Variants in FLNB observed in about 807,000 individuals in gnomAD.
The protein encoded by FLNB is filamin B, also known as filamin-B.
In FLNB, 111 loss-of-function variants were observed where a neutral mutation model predicts 250.6. The ratio of observed to expected loss-of-function variants is 0.44; its 90% confidence interval spans 0.38 to 0.52. FLNB has a LOEUF of 0.52. Ranked by LOEUF, FLNB falls within the 20% of genes least tolerant of loss-of-function variation. The probability of loss-of-function intolerance (pLI) is 0.00; values close to 1 mark genes in which losing one functional copy is unlikely to be tolerated. For missense variants in FLNB, 2,869 were observed against 3,447.8 expected (o/e 0.83, Z 4.20); for synonymous variants, 1,302 against 1,372.1 (o/e 0.95, Z 1.13).
intron 28 of FLNB, among the ~76,000 whole-genome samples, chr3:58,137,626 T>C (rs558533192): frequency 1.3e-5 from 2 of 152,216 alleles, no homozygotes; most frequent in Non-Finnish European, 2.9e-5. Flanking sequence ...TTTCCTGATA[T>C]GTGGATCCTG....
rs1375419498 is a variant in FLNB at position 58,142,593 on chromosome 3, T to G, written c.5182-57T>G. ...TCCCAGCAGCTCTAACCCCTGTAGC[T>G]TCACCAGCTCCCGCTGTTGTCTGCT... On this transcript the variant is annotated intron_variant, in intron 30 of 45. Transcript: ENST00000295956. The surrounding 1 kb of genome is among the most constrained non-coding windows in gnomAD (Gnocchi z 4.3). 5 of 1,462,312 alleles carry G rather than the reference T, an allele frequency of 3.4e-6. No homozygotes were observed. The highest frequency in any genetic ancestry group is 1.7e-5 in the Admixed American group (1 of 59,152). The allele number at this position is 1,462,312 out of a possible 1,614,324, so 90.6% of individuals were successfully genotyped here. A position where few individuals can be genotyped will look rare whatever the true frequency, so the allele number is the denominator to read the frequency against.
chr3:58,077,378 A>G (rs1350004420), intron 2 of FLNB, 84 bp downstream of exon 2: 3 of 1,512,966 alleles, frequency 2.0e-6, no homozygotes, highest in Non-Finnish European at 2.7e-6. Context: ...CGGGAATGCT[A>G]TCTTTGCTTT....
At position 58,132,861 on chromosome 3, in the gene FLNB, A is replaced by C; in HGVS notation, c.4444A>C (p.Thr1482Pro). The change falls in exon 26 of 46, where the codon ACC becomes CCC. Residue 1482 changes from threonine to proline, a missense_variant. Thr to Pro is a conservative substitution (Grantham distance 38). Coordinates refer to ENST00000295956, the MANE Select transcript of FLNB (RefSeq NM_001457.4). ...VDNGDGTHTV[T>P]YTPSQEGPYM... is the part of the protein sequence containing the mutation. ...CAATGGAGATGGCACACACACAGTAACCTACACCCCATCTCAGGAGGGACC... is the reference window on the plus strand; with the variant it reads ...CAATGGAGATGGCACACACACAGTACCCTACACCCCATCTCAGGAGGGACC... 1 of 1,614,066 alleles carries C rather than the reference A, an allele frequency of 6.2e-7. No homozygotes were observed. The highest frequency in any genetic ancestry group is 8.5e-7 in the Non-Finnish European group (1 of 1,179,970).
At chr3:58,101,823 C>A (rs2097251686) in intron 8 of FLNB, among the ~76,000 whole-genome samples, 1 of 152,186 alleles carries the variant, frequency 6.6e-6, no homozygotes, top group African/African-American at 2.4e-5. Context: ...TTGAAAAAGT[C>A]CAGTCTATCC....
chr3:58,138,505 TC>T lies in FLNB; in HGVS notation c.5087del (p.Pro1696LeufsTer22). 1 of 1,614,212 alleles carries T rather than the reference TC, an allele frequency of 6.2e-7. No homozygotes were observed. The highest frequency in any genetic ancestry group is 8.5e-7 in the Non-Finnish European group (1 of 1,180,028). ...ATGTGCGCTTCGGTGGTGTTGATAT[TC>T]CTAACAGCCCCTTCACTGTCATGGT... ...IYVRFGGVDIPNSPFTVMATD... is the reference protein window; with the variant it reads ...IYVRFGGVDIXNSPFTVMATD... On this transcript the variant is annotated frameshift_variant, in exon 29 of 46. Coordinates refer to ENST00000295956, the MANE Select transcript of FLNB (RefSeq NM_001457.4). LOFTEE classifies it high-confidence loss of function.
intron 24 of FLNB, among the ~76,000 whole-genome samples, chr3:58,126,971 CT>C (rs2097299047): frequency 1.3e-5 from 2 of 152,154 alleles, no homozygotes; most frequent in Non-Finnish European, 2.9e-5. Context: ...AGAATTTTGA[CT>C]GGAAACAGTT....
chr3:58,076,987 A>G, intron 1 of FLNB, 59 bp from the exon 2 acceptor site: 2 of 1,584,874 alleles, frequency 1.3e-6, no homozygotes, highest in Non-Finnish European at 1.7e-6. Flanking sequence ...TTATATAAGG[A>G]GCATAATTTA....
intron 1 of FLNB, among the ~76,000 whole-genome samples, chr3:58,028,533 A>G (rs7609961): frequency 0.75 from 113,129 of 151,098 alleles, 43,348 homozygotes; most frequent in East Asian, 0.95. Flanking sequence ...GAGGCTGGAG[A>G]ATCACTTGTG....
chr3:58,131,810 T>G, intron 25 of FLNB: 1 of 709,808 alleles, frequency 1.4e-6, no homozygotes, highest in Admixed American at 2.5e-5. Flanking sequence ...TTTGTGTGCA[T>G]GTATGTGTCC....
chr3:58,130,871 C>A lies in FLNB; in HGVS notation c.4353C>A (p.Gly1451=), dbSNP rs770990634. 6.2e-7 allele frequency: 1 copy of A among 1,612,668 alleles called. No individual in the cohort carries two copies. Among genetic ancestry groups the A allele is most frequent in the African/African-American group, 1.3e-5 (1 of 74,892 alleles). ...TCACGGTGGACAGCAGCAAGGCTGGCCTGGCTCCGCTGGAAGTGAGGGTTC... is the reference window on the plus strand; with the variant it reads ...TCACGGTGGACAGCAGCAAGGCTGGACTGGCTCCGCTGGAAGTGAGGGTTC... ...QSFTVDSSKA[G]LAPLEVRVLG... Residue 1451 remains glycine (G), a synonymous_variant, in exon 25 of 46, where the codon GGC becomes GGA. Transcript: ENST00000295956.
chr3:58,060,766 T>C (rs2097176952), intron 1 of FLNB, among the ~76,000 whole-genome samples: 1 of 50,174 alleles, frequency 2.0e-5, no homozygotes. Context: ...CAAGACCTTG[T>C]CTCAAAAAAA....
intron 1 of FLNB, among the ~76,000 whole-genome samples, chr3:58,037,992 T>G (rs920152197): frequency 6.6e-6 from 1 of 152,200 alleles, no homozygotes; most frequent in African/African-American, 2.4e-5. Flanking sequence ...TTTTGAAGAC[T>G]TTGAGCCTGA....
intron 1 of FLNB, among the ~76,000 whole-genome samples, chr3:58,068,973 C>T (rs1000628772): frequency 1.5e-4 from 22 of 151,526 alleles, no homozygotes; most frequent in Non-Finnish European, 2.9e-4. Flanking sequence ...ATGGCGGAAC[C>T]CTGTCTCTAT....
rs146859540 is a variant in FLNB, at chr3:58,106,862, A to C, written c.1930A>C (p.Asn644His). Residue 644 changes from asparagine to histidine, a missense_variant, in exon 12 of 46, where the codon AAC (asparagine) becomes CAC (histidine). Physicochemically the swap from Asn to His is moderately conservative, Grantham distance 68. Transcript: ENST00000295956. ...CATCCACCCAGCCACGGGAGGCTAC[A>C]ACCCTGATCTGGTGAATCAGCTGCT... ...AFIHPATGGY[N>H]PDLVRAYGPG... is the part of the protein sequence containing the mutation. 8 of 1,613,658 alleles carry C rather than the reference A, an allele frequency of 5.0e-6. No individual in the cohort carries two copies. The South Asian group carries it at 8.8e-5, about 18-fold the overall frequency.
intron 1 of FLNB, among the ~76,000 whole-genome samples, chr3:58,061,895 C>T (rs2097179195): frequency 2.6e-5 from 4 of 151,912 alleles, no homozygotes; most frequent in Non-Finnish European, 4.4e-5. Flanking sequence ...AGTTCAAGAC[C>T]AGCCTGGCCA....
At chr3:58,037,357 G>A (rs1460111845) in intron 1 of FLNB, among the ~76,000 whole-genome samples, 1 of 152,156 alleles carries the variant, frequency 6.6e-6, no homozygotes, top group Non-Finnish European at 1.5e-5. Context: ...AAGCCACCAC[G>A]CCTGGCCGAC....
intron 1 of FLNB, among the ~76,000 whole-genome samples, chr3:58,059,618 G>T (rs2097175152): frequency 1.3e-5 from 2 of 152,210 alleles, no homozygotes; most frequent in Non-Finnish European, 2.9e-5. Context: ...TTTATCGTGT[G>T]TTTCTTGCCT....
intron 1 of FLNB, among the ~76,000 whole-genome samples, chr3:58,035,517 A>C (rs1039429856): frequency 3.9e-5 from 6 of 152,108 alleles, no homozygotes; most frequent in African/African-American, 1.4e-4. Flanking sequence ...CTTTTTTAAG[A>C]GGAAGAGTTG....
At chr3:58,082,301 C>T (rs761393999) in intron 4 of FLNB, among the ~76,000 whole-genome samples, 3 of 152,148 alleles carry the variant, frequency 2.0e-5, no homozygotes, top group Non-Finnish European at 4.4e-5. Context: ...GAAGCCATTT[C>T]AAGGCATTTG....
Sources: allele counts gnomAD v4.1 joint callset (sites outside exome capture counted in the v4.1 genomes callset), GRCh38; gene constraint gnomAD v4.1.1; non-coding constraint Gnocchi (gnomAD v3.1); transcripts MANE v1.5; gene names NCBI Gene and HGNC (gene_info 2026-07-23, HGNC 2026-07-21).